The following CYP46A1 variants were observed in gnomAD, a reference collection of about 807,000 sequenced individuals.
CYP46A1 encodes the protein cholesterol 24-hydroxylase.
CYP46A1 carries 20 observed loss-of-function variants against 63.3 expected under a neutral mutation model. The ratio of observed to expected loss-of-function variants is 0.32; its 90% CI spans 0.22 to 0.46. CYP46A1 has a LOEUF of 0.46. Among genes scored for constraint, CYP46A1 ranks in the 20% least tolerant of loss-of-function variants. The probability of loss-of-function intolerance (pLI) is 1.00; values close to 1 mark genes in which losing one functional copy is unlikely to be tolerated. For missense variants in CYP46A1, 445 were observed against 670.8 expected (o/e 0.66, Z 3.72); for synonymous variants, 268 against 273.6 (o/e 0.98, Z 0.20).
At chr14:99,726,052 T>C (rs2140145277) in intron 13 of CYP46A1, 138 bp from the exon 14 acceptor site, 1 of 738,448 alleles carries the variant, frequency 1.4e-6, no homozygotes, top group East Asian at 2.6e-5. Context: ...CAGCGGTTCA[T>C]GCTTTGCATG....
At chr14:99,702,640 C>T (rs991050550) in intron 5 of CYP46A1, among the ~76,000 whole-genome samples, 1 of 152,008 alleles carries the variant, frequency 6.6e-6, no homozygotes, top group African/African-American at 2.4e-5. Flanking sequence ...TTTGCTTTAT[C>T]ATTTCTTCTC....
Position 99,703,926 on chromosome 14 carries a change from A to C in CYP46A1, c.444-2721A>C, listed in dbSNP as rs2056653231. On this transcript the variant is annotated intron_variant, in intron 5 of 14. Coordinates refer to ENST00000261835, the MANE Select transcript of CYP46A1 (RefSeq NM_006668.2). ...GACTGGAAAGAGACATTTATTTAAG[A>C]AATACTTATTGTGCCAAGAGCCAGG... The C allele has an allele frequency of 4.1e-6, 4 of 972,416 alleles. No individual in the cohort carries two copies. In the South Asian group the frequency reaches 1.4e-4, roughly 35 times the overall value. 60.2% of individuals were successfully genotyped at this position (972,416 alleles called of 1,614,324 possible).
intron 7 of CYP46A1, 63 bp downstream of exon 7, chr14:99,707,741 A>G: frequency 6.9e-7 from 1 of 1,439,584 alleles, no homozygotes; most frequent in Non-Finnish European, 9.6e-7. Flanking sequence ...TTTGCTGAAG[A>G]ACCTCCTTCA....
intron 6 of CYP46A1, 35 bp downstream of exon 6, chr14:99,706,820 G>C: frequency 6.2e-7 from 1 of 1,606,396 alleles, no homozygotes; most frequent in East Asian, 2.2e-5. Context: ...GGGCCAGGAG[G>C]GCCACATGGG....
rs755567035 is a variant in CYP46A1, at chr14:99,722,054, C to T, written c.1164C>T (p.Asn388=). ...TLIDGVRVPG[N]TPLLFSTYVM... ...TTGATGGGGTCAGAGTCCCCGGCAA[C>T]ACCCCGCTCTTGGTGGGTGGAGGCC... is the stretch of plus-strand genomic sequence containing the variant. Residue 388 remains asparagine (N), a synonymous_variant, in exon 12 of 15, where the codon AAC becomes AAT. Transcript: ENST00000261835. This position sits in a 1 kb window ranked among gnomAD's most constrained non-coding sequence, Gnocchi z 4.6. 2.1e-5 allele frequency: 34 copies of T among 1,612,282 alleles called. No homozygotes were observed. Among genetic ancestry groups the T allele is most frequent in the Non-Finnish European group, 2.5e-5 (30 of 1,179,598 alleles).
Position 99,715,907 on chromosome 14 carries a change from C to A in CYP46A1, c.791C>A (p.Ala264Asp), listed in dbSNP as rs983842929. The change falls in exon 8 of 15, where the codon GCC (alanine) becomes GAC (aspartate). Residue 264 changes from alanine (A) to aspartate (D), a missense_variant. Physicochemically the swap from Ala to Asp is moderately radical, Grantham distance 126 (BLOSUM62 -2). This residue lies in a region of CYP46A1 where 252 missense variants were observed against 383.3 expected (regional missense o/e 0.66). Transcript: ENST00000261835. ...GACTGGGTCCAGCGCCGCCGGGAAG[C>A]CCTGAAGAGGGGCGAGGAGGTTCCT... is the stretch of plus-strand genomic sequence containing the variant. ...GRDWVQRRREALKRGEEVPAD... is the reference protein window; with the variant it reads ...GRDWVQRRREDLKRGEEVPAD... 3.7e-6 allele frequency: 6 copies of A among 1,613,552 alleles called. No homozygotes were observed. In the African/African-American group the frequency reaches 6.7e-5, roughly 18 times the overall value.
intron 1 of CYP46A1, among the ~76,000 whole-genome samples, chr14:99,689,329 G>C (rs1020737181): frequency 1.3e-5 from 2 of 152,218 alleles, no homozygotes; most frequent in African/African-American, 2.4e-5. Context: ...AGTTTGAGCA[G>C]TGGGAGGAGG....
At chr14:99,702,586 A>G (rs1187359536) in intron 5 of CYP46A1, among the ~76,000 whole-genome samples, 2 of 152,224 alleles carry the variant, frequency 1.3e-5, no homozygotes, top group East Asian at 1.9e-4. Flanking sequence ...ACTCTTATAT[A>G]TCTTTTACCC....
At position 99,691,868 on chromosome 14, in the gene CYP46A1, G is replaced by A. The variant is rs1394266491; in HGVS notation, c.282+7G>A. The A allele has an allele frequency of 1.2e-6, 2 of 1,614,156 alleles. No homozygotes were observed. The highest frequency in any genetic ancestry group is 3.3e-5 in the Admixed American group (2 of 60,034). ...GAGTCCTGAGTCGGTTAAGGTAGGA[G>A]GAAGAGTGGTTTCCATGAGGGAGTT... On this transcript the variant is annotated splice_region_variant and intron_variant, in intron 3 of 14. Transcript: ENST00000261835.
At chr14:99,698,288 G>T (rs1359222147) in intron 3 of CYP46A1, among the ~76,000 whole-genome samples, 1 of 151,964 alleles carries the variant, frequency 6.6e-6, no homozygotes, top group African/African-American at 2.4e-5. Flanking sequence ...TGTACCAGGG[G>T]ACCTGTGGTC....
intron 11 of CYP46A1, among the ~76,000 whole-genome samples, chr14:99,721,718 C>T (rs1423975536): frequency 1.3e-5 from 2 of 152,114 alleles, no homozygotes; most frequent in East Asian, 1.9e-4. Context: ...ACCCCTGATT[C>T]CTGGTCCCAG....
At chr14:99,696,225 TTAAG>T (rs1459671815) in intron 3 of CYP46A1, among the ~76,000 whole-genome samples, 2 of 152,128 alleles carry the variant, frequency 1.3e-5, no homozygotes, top group Non-Finnish European at 2.9e-5. Flanking sequence ...TTCTTTTGGA[TTAAG>T]TATGTTTTAG....
Position 99,684,357 on chromosome 14 carries a change from G to A in CYP46A1, c.-61G>A. ...GGCGCTGACAGCTGAGTCGGCTCGC[G>A]GCCTCCCGGCCCCCTCGGCGCCCGG... On this transcript the variant is annotated 5_prime_UTR_variant, in exon 1 of 15. Transcript: ENST00000261835. The A allele has an allele frequency of 9.3e-6, 10 of 1,073,734 alleles. No homozygotes were observed. The highest frequency in any genetic ancestry group is 3.7e-5 in the East Asian group (1 of 27,148). 66.5% of individuals were successfully genotyped at this position (1,073,734 alleles called of 1,614,324 possible). A position where few individuals can be genotyped will look rare whatever the true frequency, so the allele number is the denominator to read the frequency against.
intron 3 of CYP46A1, among the ~76,000 whole-genome samples, chr14:99,692,341 G>C (rs190910411): frequency 0.01 from 1,569 of 152,302 alleles, 25 homozygotes; most frequent in Non-Finnish European, 0.016. Context: ...ACTCTTATTA[G>C]TCCCTTGGCC....
chr14:99,725,315 T>A lies in CYP46A1; in HGVS notation c.1177-76T>A. The A allele has an allele frequency of 8.7e-7, 1 of 1,152,802 alleles. No individual in the cohort carries two copies. The allele number at this position is 1,152,802 out of a possible 1,614,324, so 71.4% of individuals were successfully genotyped here. A position where few individuals can be genotyped will look rare whatever the true frequency, so the allele number is the denominator to read the frequency against. On this transcript the variant is annotated intron_variant, in intron 12 of 14. Coordinates refer to ENST00000261835, the MANE Select transcript of CYP46A1 (RefSeq NM_006668.2). The surrounding 1 kb of genome is among the most constrained non-coding windows in gnomAD (Gnocchi z 4.2). ...CCCACTCTGCTCTGAGTAGCCCTGT[T>A]GGGTGGCCTCAGTGGCTCAAGAGGT... is the stretch of plus-strand genomic sequence containing the variant.
At chr14:99,688,701 C>T (rs2056517352) in intron 1 of CYP46A1, among the ~76,000 whole-genome samples, 1 of 152,206 alleles carries the variant, frequency 6.6e-6, no homozygotes, top group East Asian at 1.9e-4. Flanking sequence ...GCTGCCGCCC[C>T]CTATGGTAAC....
intron 3 of CYP46A1, among the ~76,000 whole-genome samples, chr14:99,693,880 A>G (rs908528368): frequency 2.0e-5 from 3 of 152,232 alleles, no homozygotes; most frequent in Admixed American, 6.5e-5. Flanking sequence ...GTTCAGCAGC[A>G]TTAAAGACAT....
intron 8 of CYP46A1, 78 bp downstream of exon 8, chr14:99,716,038 CTG>C: frequency 6.2e-7 from 1 of 1,608,390 alleles, no homozygotes; most frequent in African/African-American, 1.3e-5. Flanking sequence ...GCCACTGACT[CTG>C]TTTGGCTTAA....
intron 10 of CYP46A1, among the ~76,000 whole-genome samples, chr14:99,718,918 T>C (rs2056818171): frequency 6.7e-6 from 1 of 150,262 alleles, no homozygotes; most frequent in South Asian, 2.2e-4. Flanking sequence ...AACCCACCCA[T>C]GGCACCCCAC....
Sources: gnomAD v4.1 joint callset for allele counts (sites outside exome capture counted in the v4.1 genomes callset) on GRCh38, gnomAD v4.1.1 for gene constraint, gnomAD v4.1.1 regional missense constraint, Gnocchi (gnomAD v3.1) non-coding constraint, MANE v1.5 for transcripts, NCBI Gene and HGNC (gene_info 2026-07-23, HGNC 2026-07-21) for gene names.